Variants in MTMR3 observed in about 807,000 individuals in gnomAD.
The protein encoded by MTMR3 is myotubularin related protein 3, also known as phosphatidylinositol-3,5-bisphosphate 3-phosphatase MTMR3.
A neutral mutation model predicts 132.4 loss-of-function variants in MTMR3; 32 were observed. The ratio of observed to expected loss-of-function variants is 0.24; its 90% confidence interval spans 0.18 to 0.32. MTMR3 has a LOEUF of 0.32. Ranked by LOEUF, MTMR3 falls within the 10% of genes least tolerant of loss-of-function variation. The pLI is 1.00. For synonymous variants in MTMR3, 556 were observed against 550.3 expected (o/e 1.01, Z -0.14); for missense variants, 1,216 against 1,489.6 (o/e 0.82, Z 3.02).
At chr22:29,971,759 C>G (rs989447337) in intron 3 of MTMR3, among the ~76,000 whole-genome samples, 1 of 151,918 alleles carries the variant, frequency 6.6e-6, no homozygotes, top group African/African-American at 2.4e-5. Context: ...GGGCCCAGCT[C>G]AAGCAGAGAA....
chr22:29,929,174 G>A (rs536550170), intron 1 of MTMR3, among the ~76,000 whole-genome samples: 11 of 151,940 alleles, frequency 7.2e-5, no homozygotes, highest in Non-Finnish European at 1.3e-4. Flanking sequence ...CCAGCTACTC[G>A]GGAGGCTAAG....
rs779097589 is a variant in MTMR3 at position 29,940,649 on chromosome 22, A to T, written c.-137-16387A>T. Among the ~76,000 whole-genome samples, 28 of 149,968 alleles carry T rather than the reference A, an allele frequency of 1.9e-4. 1 individual carries two copies. The highest frequency in any genetic ancestry group is 3.3e-4 in the African/African-American group (13 of 39,426). On this transcript the variant is annotated intron_variant, in intron 1 of 19. Coordinates refer to ENST00000401950, the MANE Select transcript of MTMR3 (RefSeq NM_021090.4). ...TTTTCTCACCCTGCCCCACCTTTTT[A>T]AAAAAATTGTTGCTTATTGCCAATA...
At chr22:29,907,090 C>A (rs2065118411) in intron 1 of MTMR3, among the ~76,000 whole-genome samples, 1 of 151,230 alleles carries the variant, frequency 6.6e-6, no homozygotes, top group South Asian at 2.1e-4. Flanking sequence ...CAAACAAAAT[C>A]CAAAAACATC....
At position 30,020,801 on chromosome 22, in the gene MTMR3, C is replaced by A. The variant is rs754287215; in HGVS notation, c.3142C>A (p.Gln1048Lys). 11 of 1,613,546 alleles carry A rather than the reference C, an allele frequency of 6.8e-6. No homozygotes were observed. The highest frequency in any genetic ancestry group is 9.3e-6 in the Non-Finnish European group (11 of 1,179,730). Residue 1048 changes from glutamine to lysine, a missense_variant, in exon 17 of 20, where the codon CAA (glutamine) becomes AAA (lysine). Transcript: ENST00000401950. The part of the protein sequence containing the change: ...HQQEVETLKK[Q>K]VQELKSRLES... ...GCAGGAAGTAGAAACTTTGAAGAAACAAGTCCAGGAGCTGAAGAGTCGCCT... is the reference window on the plus strand; with the variant it reads ...GCAGGAAGTAGAAACTTTGAAGAAAAAAGTCCAGGAGCTGAAGAGTCGCCT...
chr22:29,903,574 A>G (rs1393900432), intron 1 of MTMR3, among the ~76,000 whole-genome samples: 1 of 150,918 alleles, frequency 6.6e-6, no homozygotes, highest in Non-Finnish European at 1.5e-5. Context: ...TTTTTTTTGC[A>G]TGTACGTAGA....
At chr22:29,942,740 A>T (rs1006820362) in intron 1 of MTMR3, among the ~76,000 whole-genome samples, 1 of 152,232 alleles carries the variant, frequency 6.6e-6, no homozygotes, top group Non-Finnish European at 1.5e-5. Flanking sequence ...GCTCTGTTCC[A>T]TCCGGCTCAC....
intron 19 of MTMR3, chr22:30,023,613 A>C (rs1230494499): frequency 8.6e-7 from 1 of 1,164,322 alleles, no homozygotes; most frequent in East Asian, 2.4e-5. Context: ...ACAGGCAGAT[A>C]GGTGGGCTTG....
intron 3 of MTMR3, among the ~76,000 whole-genome samples, chr22:29,974,054 C>T (rs1266896790): frequency 2.0e-5 from 3 of 152,162 alleles, no homozygotes; most frequent in African/African-American, 7.2e-5. Flanking sequence ...ACCCCACTGA[C>T]TTTATGGAGG....
At chr22:30,008,986 A>G (rs1365096860) in intron 11 of MTMR3, 32 bp from the exon 12 acceptor site, 1 of 1,483,190 alleles carries the variant, frequency 6.7e-7, no homozygotes, top group Non-Finnish European at 9.4e-7. Flanking sequence ...AGTTCAACGT[A>G]TTTGTGTTCT....
intron 1 of MTMR3, among the ~76,000 whole-genome samples, chr22:29,902,591 A>G (rs2065022878): frequency 6.6e-6 from 1 of 151,258 alleles, no homozygotes; most frequent in Non-Finnish European, 1.5e-5. Context: ...CTGGTCTTGA[A>G]CTCCTGACCT....
At chr22:29,977,199 G>T (rs2066645983) in intron 3 of MTMR3, among the ~76,000 whole-genome samples, 1 of 152,168 alleles carries the variant, frequency 6.6e-6, no homozygotes, top group South Asian at 2.1e-4. Context: ...GGCTGAGGCT[G>T]GAGGATCACT....
chr22:29,978,389 A>G, intron 3 of MTMR3, 53 bp from the exon 4 acceptor site: 1 of 1,470,252 alleles, frequency 6.8e-7, no homozygotes, highest in Non-Finnish European at 9.4e-7. Flanking sequence ...AGAAAAACCA[A>G]ATATGAATGA....
rs1275013995 is a variant in MTMR3 at position 30,029,793 on chromosome 22, C to T, written c.*3992C>T. The T allele has an allele frequency of 1.3e-5, 2 of 152,382 alleles. No individual in the cohort carries two copies. Among genetic ancestry groups the T allele is most frequent in the Non-Finnish European group, 2.9e-5 (2 of 68,048 alleles). 9.4% of individuals were successfully genotyped at this position (152,382 alleles called of 1,614,324 possible). On this transcript the variant is annotated 3_prime_UTR_variant, in exon 20 of 20. Coordinates refer to ENST00000401950, the MANE Select transcript of MTMR3 (RefSeq NM_021090.4). ...GACCCTGGGCTGTGGAGCAAAGTGA[C>T]TATCCATTTGGACTTTTGGATAATG...
At chr22:29,889,844 C>G (rs1333750224) in intron 1 of MTMR3, among the ~76,000 whole-genome samples, 1 of 151,022 alleles carries the variant, frequency 6.6e-6, no homozygotes, top group Non-Finnish European at 1.5e-5. Context: ...CTGTGATGAA[C>G]TCGTTTGGAC....
chr22:30,020,698 C>T lies in MTMR3; in HGVS notation c.3039C>T (p.Ser1013=). The part of the protein sequence containing the change: ...ATSSPDQPSR[S]HLDDDGMSVY... ...GCAGCCCCGACCAGCCTTCCCGCAG[C>T]CACCTGGACGATGATGGCATGTCAG... The change falls in exon 17 of 20, where the codon AGC becomes AGT. Residue 1013 remains serine, a synonymous_variant. Coordinates refer to ENST00000401950, the MANE Select transcript of MTMR3 (RefSeq NM_021090.4). The T allele has an allele frequency of 6.2e-7, 1 of 1,614,258 alleles. No homozygotes were observed. The highest frequency in any genetic ancestry group is 1.6e-4 in the Middle Eastern group (1 of 6,062).
intron 1 of MTMR3, among the ~76,000 whole-genome samples, chr22:29,904,034 G>A (rs142167881): frequency 6.6e-6 from 1 of 152,164 alleles, no homozygotes; most frequent in South Asian, 2.1e-4. Context: ...GGGAATTGCA[G>A]GTTAACCGTT....
At chr22:29,908,365 A>C (rs1568999351) in intron 1 of MTMR3, among the ~76,000 whole-genome samples, 1 of 152,178 alleles carries the variant, frequency 6.6e-6, no homozygotes, top group Non-Finnish European at 1.5e-5. Context: ...ACCAGAAGAA[A>C]CCAAAGCAAG....
At chr22:29,957,846 CAAGA>C (rs2066230207) in intron 2 of MTMR3, among the ~76,000 whole-genome samples, 1 of 152,050 alleles carries the variant, frequency 6.6e-6, no homozygotes, top group South Asian at 2.1e-4. Flanking sequence ...ATCAAGAGAG[CAAGA>C]AAGAGAGACA....
chr22:30,019,217 AAG>A (rs2067684164), intron 16 of MTMR3: 1 of 362,164 alleles, frequency 2.8e-6, no homozygotes, highest in Non-Finnish European at 5.0e-6. Context: ...AAAAAAAAAA[AAG>A]AAAATAGCAC....
Sources: allele counts gnomAD v4.1 joint callset (sites outside exome capture counted in the v4.1 genomes callset), GRCh38; gene constraint gnomAD v4.1.1; transcripts MANE v1.5; gene names NCBI Gene and HGNC (gene_info 2026-07-23, HGNC 2026-07-21).